PHLPP2: variants seen among roughly 807,000 people sequenced by gnomAD.
PHLPP2 encodes the protein PH domain leucine-rich repeat-containing protein phosphatase 2.
Under a neutral mutation model 124.9 loss-of-function variants are expected in PHLPP2, and 66 were observed. The observed-to-expected ratio is 0.53, with a 90% CI of 0.43 to 0.65. The LOEUF (loss-of-function observed/expected upper bound fraction) is 0.65, where lower values mean the gene tolerates loss of function less well. Ranked by LOEUF, PHLPP2 falls within the 30% of genes least tolerant of loss-of-function variation. The pLI, the probability that PHLPP2 is intolerant of heterozygous loss-of-function variation, is 0.00. For missense variants in PHLPP2, 1,685 were observed against 1,600.4 expected (o/e 1.05, Z -0.90); for synonymous variants, 681 against 624.7 (o/e 1.09, Z -1.34).
At chr16:71,693,199 A>C (rs917497447) in intron 3 of PHLPP2, among the ~76,000 whole-genome samples, 3 of 152,176 alleles carry the variant, frequency 2.0e-5, no homozygotes, top group Non-Finnish European at 4.4e-5. Context: ...AGGCAGGAGA[A>C]TCGCTTGAAC....
chr16:71,702,648 T>C lies in PHLPP2; in HGVS notation c.368A>G (p.Gln123Arg). 1 of 1,611,192 alleles carries C rather than the reference T, an allele frequency of 6.2e-7. No individual in the cohort carries two copies. Among genetic ancestry groups the C allele is most frequent in the South Asian group, 1.1e-5 (1 of 90,916 alleles). ...GAGGTCAGGATTTGTAGCCTCCTCC[T>C]GTATGCGCACAGGATCATCAAATCC... is the stretch of plus-strand genomic sequence containing the variant. ...RLGFDDPVRI[Q>R]EEATNPDLGC... The change falls in exon 3 of 19, where the codon CAG (glutamine) becomes CGG (arginine). Residue 123 changes from glutamine to arginine, a missense_variant. Gln to Arg is a conservative substitution (Grantham distance 43). Transcript: ENST00000568954.
chr16:71,664,403 T>G (rs749892009), intron 12 of PHLPP2, among the ~76,000 whole-genome samples: 2 of 152,316 alleles, frequency 1.3e-5, no homozygotes, highest in Non-Finnish European at 2.9e-5. Context: ...GAAAGGATGT[T>G]GCTGAATATC....
At chr16:71,709,799 A>T (rs2045311670) in intron 2 of PHLPP2, among the ~76,000 whole-genome samples, 1 of 152,132 alleles carries the variant, frequency 6.6e-6, no homozygotes, top group Non-Finnish European at 1.5e-5. Flanking sequence ...GGGACAGGAA[A>T]ATCCTTGGCT....
rs1185161117 is a variant in PHLPP2, at chr16:71,656,676, A to G, written c.2285T>C (p.Ile762Thr). 2.5e-6 allele frequency: 4 copies of G among 1,591,436 alleles called. No homozygotes were observed. The part of the protein sequence containing the change: ...EHKTLDIFSH[I>T]TTLKIDQKPL... ...TTTCTGATCAATTTTCAGGGTTGTG[A>G]TATGGCTGTGGGAGGTGAAGGAAGA... The change falls in exon 16 of 19, where the codon ATC becomes ACC. Residue 762 changes from isoleucine to threonine, a missense_variant. Physicochemically the swap from Ile to Thr is moderately conservative, Grantham distance 89. Coordinates refer to ENST00000568954, the MANE Select transcript of PHLPP2 (RefSeq NM_015020.3).
At position 71,649,288 on chromosome 16, in the gene PHLPP2, G is replaced by C. The variant is rs1438634504; in HGVS notation, c.3574C>G (p.Leu1192Val). The C allele has an allele frequency of 1.9e-5, 31 of 1,614,000 alleles. No homozygotes were observed. Among genetic ancestry groups the C allele is most frequent in the Non-Finnish European group, 2.5e-5 (30 of 1,179,964 alleles). ...CCTCTAGCATGTTCCTCAGAACACA[G>C]GGTAGGAGAACTCTCTATGAGAGGG... ...SPPLIESSPT[L>V]CSEEHARGSC... Residue 1192 changes from leucine to valine, a missense_variant, in exon 19 of 19, where the codon CTG becomes GTG. Coordinates refer to ENST00000568954, the MANE Select transcript of PHLPP2 (RefSeq NM_015020.3).
chr16:71,719,502 T>C (rs2045384021), intron 1 of PHLPP2, among the ~76,000 whole-genome samples: 1 of 152,206 alleles, frequency 6.6e-6, no homozygotes, highest in Non-Finnish European at 1.5e-5. Flanking sequence ...ATCACGCCAC[T>C]GTACTCCAGC....
intron 3 of PHLPP2, among the ~76,000 whole-genome samples, chr16:71,693,968 G>A (rs559958868): frequency 2.3e-4 from 35 of 152,138 alleles, no homozygotes; most frequent in Non-Finnish European, 4.3e-4. Context: ...CCGGGCAGTT[G>A]GATCACTTGA....
chr16:71,695,480 C>T (rs1310738987), intron 3 of PHLPP2, among the ~76,000 whole-genome samples: 1 of 151,984 alleles, frequency 6.6e-6, no homozygotes, highest in African/African-American at 2.4e-5. Flanking sequence ...AGGCCAAGGC[C>T]GTCGGATCAC....
intron 1 of PHLPP2, among the ~76,000 whole-genome samples, chr16:71,719,853 C>T (rs903827195): frequency 1.3e-5 from 2 of 151,822 alleles, no homozygotes; most frequent in Admixed American, 6.6e-5. Flanking sequence ...GCTGGAGTGC[C>T]GTGGCACGAT....
chr16:71,723,670 G>C, intron 1 of PHLPP2: 1 of 513,510 alleles, frequency 1.9e-6, no homozygotes, highest in Non-Finnish European at 3.0e-6. Flanking sequence ...CCACTGCGCG[G>C]GGCGGGGGCG....
chr16:71,658,124 C>G, intron 15 of PHLPP2, 109 bp downstream of exon 15: 1 of 960,456 alleles, frequency 1.0e-6, no homozygotes. Context: ...TATAGCCTAA[C>G]TTCATTCTGT....
In PHLPP2 at chr16:71,653,005, C is replaced by T. The variant is rs748709989; in HGVS notation, c.2602G>A (p.Gly868Ser). 5.0e-6 allele frequency: 8 copies of T among 1,612,220 alleles called. No individual in the cohort carries two copies. The highest frequency in any genetic ancestry group is 6.8e-6 in the Non-Finnish European group (8 of 1,179,424). The change falls in exon 18 of 19, where the codon GGC becomes AGC. Residue 868 changes from glycine (G) to serine (S), a missense_variant. Physicochemically the swap from Gly to Ser is moderately conservative, Grantham distance 56. Coordinates refer to ENST00000568954, the MANE Select transcript of PHLPP2 (RefSeq NM_015020.3). Reference sequence around the variant, plus strand: ...AGAGCGGAGGAGCCCAACTTCTGGCCAGCCATTCCTAATTTCCTGTTCAGA... The same window carrying T: ...AGAGCGGAGGAGCCCAACTTCTGGCTAGCCATTCCTAATTTCCTGTTCAGA... ...LVSHRKLGMA[G>S]QKLGSSALLC...
chr16:71,655,318 G>A lies in PHLPP2; in HGVS notation c.2507C>T (p.Ala836Val), dbSNP rs2044732903. The A allele has an allele frequency of 1.2e-6, 2 of 1,613,714 alleles. No homozygotes were observed. The highest frequency in any genetic ancestry group is 1.3e-5 in the African/African-American group (1 of 74,900). The change falls in exon 17 of 19, where the codon GCA becomes GTA. Residue 836 changes from alanine to valine, a missense_variant. By Grantham distance (64) the Ala-to-Val change is moderately conservative. Transcript: ENST00000568954. ...CTGTACCTCTTCTAAAAGCACATCT[G>A]CCATCGTACACTGCAGCAGGCGCGG... ...ELPRLLQCTM[A>V]DVLLEEVQQS...
intron 3 of PHLPP2, among the ~76,000 whole-genome samples, chr16:71,691,658 T>C (rs1342652890): frequency 6.6e-6 from 1 of 152,054 alleles, no homozygotes; most frequent in Non-Finnish European, 1.5e-5. Flanking sequence ...TCCATCTCTC[T>C]GCCACTAATA....
rs146474070 is a variant in PHLPP2 at position 71,681,764 on chromosome 16, C to A, written c.877G>T (p.Asp293Tyr). ...TTCTCCACATACTTGTAGAGTGTAT[C>A]GAGGCCTCCGGGTCTTTCTAACTGC... ...FMQLERPGGL[D>Y]TLYKFSQLKG... The change falls in exon 6 of 19, where the codon GAT (aspartate) becomes TAT (tyrosine). Residue 293 changes from aspartate (D) to tyrosine (Y), a missense_variant. By Grantham distance (160) the Asp-to-Tyr change is radical. Coordinates refer to ENST00000568954, the MANE Select transcript of PHLPP2 (RefSeq NM_015020.3). 1.2e-6 allele frequency: 2 copies of A among 1,612,636 alleles called. No homozygotes were observed. The highest frequency in any genetic ancestry group is 2.7e-5 in the African/African-American group (2 of 74,826).
intron 15 of PHLPP2, 77 bp downstream of exon 15, chr16:71,658,156 C>A: frequency 8.0e-7 from 1 of 1,242,358 alleles, no homozygotes; most frequent in Non-Finnish European, 1.1e-6. Context: ...ATCAAGATCT[C>A]CACAGTACTA....
At chr16:71,708,645 G>A (rs1374991300) in intron 2 of PHLPP2, among the ~76,000 whole-genome samples, 3 of 152,158 alleles carry the variant, frequency 2.0e-5, no homozygotes, top group Admixed American at 1.3e-4. Context: ...AATTAGCTGC[G>A]CCTGGTGTTG....
chr16:71,704,179 CG>C (rs1188988807), intron 2 of PHLPP2, among the ~76,000 whole-genome samples: 4 of 151,770 alleles, frequency 2.6e-5, no homozygotes, highest in Non-Finnish European at 5.9e-5. Context: ...GGCATGGTGG[CG>C]GGCACCTGCA....
At chr16:71,700,519 CTT>C (rs1234453846) in intron 3 of PHLPP2, among the ~76,000 whole-genome samples, 5 of 83,338 alleles carry the variant, frequency 6.0e-5, no homozygotes, top group African/African-American at 9.7e-5. Context: ...TGACTCATTT[CTT>C]TTTTTTTTTT....
Sources: gnomAD v4.1 joint callset for allele counts (sites outside exome capture counted in the v4.1 genomes callset) on GRCh38, gnomAD v4.1.1 for gene constraint, MANE v1.5 for transcripts, NCBI Gene and HGNC (gene_info 2026-07-23, HGNC 2026-07-21) for gene names.